AFDN: variants seen among roughly 807,000 people sequenced by gnomAD.
The protein encoded by AFDN is afadin, adherens junction formation factor.
A neutral mutation model predicts 216.6 loss-of-function variants in AFDN; 68 were observed. The ratio of observed to expected loss-of-function variants is 0.31; its 90% CI spans 0.26 to 0.38. AFDN has a LOEUF of 0.38. Ranked by LOEUF, AFDN falls within the 10% of genes least tolerant of loss-of-function variation. AFDN has a pLI of 1.00. For synonymous variants in AFDN, 868 were observed against 853.7 expected (o/e 1.02, Z -0.29); for missense variants, 2,136 against 2,342.0 (o/e 0.91, Z 1.82).
intron 1 of AFDN, among the ~76,000 whole-genome samples, chr6:167,831,972 A>C (rs141894302): frequency 0.02 from 3,016 of 152,344 alleles, 55 homozygotes; most frequent in Non-Finnish European, 0.033. Context: ...ATGTATATGC[A>C]GGTAGCAGTT....
At chr6:167,874,204 A>G (rs1170584405) in intron 4 of AFDN, among the ~76,000 whole-genome samples, 1 of 152,202 alleles carries the variant, frequency 6.6e-6, no homozygotes, top group Non-Finnish European at 1.5e-5. Context: ...TGACTGTGCC[A>G]CTGGACTACA....
chr6:167,955,649 A>C (rs1209672958), intron 30 of AFDN, among the ~76,000 whole-genome samples: 1 of 152,228 alleles, frequency 6.6e-6, no homozygotes, highest in Admixed American at 6.5e-5. Flanking sequence ...TCTGTGACAC[A>C]TGAACAGTAA....
chr6:167,963,810 T>G, intron 31 of AFDN: 1 of 1,063,360 alleles, frequency 9.4e-7, no homozygotes, highest in Non-Finnish European at 1.1e-6. Flanking sequence ...TCTAAGGAAA[T>G]CAGATTTACA....
intron 26 of AFDN, among the ~76,000 whole-genome samples, chr6:167,946,442 T>A (rs1795275562): frequency 6.6e-6 from 1 of 152,192 alleles, no homozygotes; most frequent in Non-Finnish European, 1.5e-5. Context: ...TTAAAAATGG[T>A]TAGATTTGTT....
At position 167,898,316 on chromosome 6, in the gene AFDN, A is replaced by C. The variant is rs776272198; in HGVS notation, c.1429A>C (p.Ile477Leu). The C allele has an allele frequency of 6.2e-6, 10 of 1,614,034 alleles. No homozygotes were observed. Among genetic ancestry groups the C allele is most frequent in the Non-Finnish European group, 8.5e-6 (10 of 1,180,030 alleles). Residue 477 changes from isoleucine (I) to leucine (L), a missense_variant, in exon 11 of 34, where the codon ATC (isoleucine) becomes CTC (leucine). Physicochemically the swap from Ile to Leu is conservative, Grantham distance 5. Coordinates refer to ENST00000683244, the MANE Select transcript of AFDN (RefSeq NM_001386888.1). ...AGAAACCTACGTGGAAGGCCAGCGC[A>C]TCTCAGAAACCACCATGCTGCAGAG... ...DAETYVEGQRISETTMLQSGM... is the reference protein window; with the variant it reads ...DAETYVEGQRLSETTMLQSGM...
intron 3 of AFDN, 44 bp from the exon 4 acceptor site, chr6:167,872,170 A>T (rs1470720588): frequency 1.9e-6 from 3 of 1,569,386 alleles, no homozygotes; most frequent in African/African-American, 1.4e-5. Context: ...ATTTTATGTG[A>T]TTCTGCATAG....
chr6:167,892,677 C>A (rs983475885), intron 8 of AFDN, among the ~76,000 whole-genome samples: 6 of 152,138 alleles, frequency 3.9e-5, no homozygotes, highest in Non-Finnish European at 8.8e-5. Context: ...TGTGTCATAC[C>A]GTGTTCTGGG....
At chr6:167,934,633 G>C (rs1793751944) in intron 23 of AFDN, among the ~76,000 whole-genome samples, 1 of 152,084 alleles carries the variant, frequency 6.6e-6, no homozygotes, top group African/African-American at 2.4e-5. Flanking sequence ...ACCCAGGCTA[G>C]GTTTTCTTAC....
intron 7 of AFDN, 69 bp from the exon 8 acceptor site, chr6:167,890,793 G>A: frequency 6.8e-7 from 1 of 1,478,128 alleles, no homozygotes; most frequent in Non-Finnish European, 9.2e-7. Flanking sequence ...TTGCACAGTT[G>A]ACTGCCAGTC....
chr6:167,955,598 A>G (rs1796420244), intron 30 of AFDN, among the ~76,000 whole-genome samples: 1 of 152,226 alleles, frequency 6.6e-6, no homozygotes, highest in Non-Finnish European at 1.5e-5. Flanking sequence ...GATACCAGCC[A>G]GCTCTCAGGC....
chr6:167,877,907 C>A (rs1194799974), intron 5 of AFDN, among the ~76,000 whole-genome samples: 1 of 152,148 alleles, frequency 6.6e-6, no homozygotes, highest in African/African-American at 2.4e-5. Context: ...CACAGCTGAT[C>A]AGGCATCACA....
At chr6:167,903,184 C>A (rs1789207389) in intron 12 of AFDN, among the ~76,000 whole-genome samples, 1 of 152,216 alleles carries the variant, frequency 6.6e-6, no homozygotes, top group African/African-American at 2.4e-5. Context: ...CAAACCACTC[C>A]AAAACTTTGT....
intron 1 of AFDN, among the ~76,000 whole-genome samples, chr6:167,856,399 A>G (rs1282751481): frequency 2.0e-5 from 3 of 152,082 alleles, no homozygotes; most frequent in Admixed American, 6.6e-5. Flanking sequence ...TGTTCCCTAC[A>G]GATAAGGGGG....
chr6:167,898,502 G>T, intron 11 of AFDN, 35 bp downstream of exon 11: 1 of 1,589,766 alleles, frequency 6.3e-7, no homozygotes, highest in Non-Finnish European at 8.6e-7. Flanking sequence ...AAAATGTTTT[G>T]ATTATACTTA....
rs1201026110 is a variant in AFDN, at chr6:167,970,742, A to G, written c.*807A>G. The G allele has an allele frequency of 4.6e-6, 1 of 217,828 alleles. No individual in the cohort carries two copies. The highest frequency in any genetic ancestry group is 9.2e-6 in the Non-Finnish European group (1 of 108,502). The allele number at this position is 217,828 out of a possible 1,614,324, so 13.5% of individuals were successfully genotyped here. A position where few individuals can be genotyped will look rare whatever the true frequency, so the allele number is the denominator to read the frequency against. On this transcript the variant is annotated 3_prime_UTR_variant, in exon 34 of 34. Coordinates refer to ENST00000683244, the MANE Select transcript of AFDN (RefSeq NM_001386888.1). ...GACAGTTACCTTGGAAAGTTCACTA[A>G]TACTTCGCTCCAAGGCGTCTGTAAA...
chr6:167,901,072 C>T (rs1357499445), intron 11 of AFDN, among the ~76,000 whole-genome samples: 1 of 152,144 alleles, frequency 6.6e-6, no homozygotes, highest in Admixed American at 6.5e-5. Context: ...TGTACCTGCT[C>T]TTCTAATCTG....
chr6:167,952,152 A>T lies in AFDN; in HGVS notation c.4798A>T (p.Ile1600Phe), dbSNP rs748061079. The T allele has an allele frequency of 2.2e-5, 36 of 1,614,156 alleles. No individual in the cohort carries two copies. In the African/African-American group the frequency reaches 4.1e-4, roughly 19 times the overall value. ...GGACGATGATGTGGACACCATGCTG[A>T]TCATGCAGCGCCTGGAGGCTGAACG... ...EEDDDVDTML[I>F]MQRLEAERRA... The change falls in exon 30 of 34, where the codon ATC (isoleucine) becomes TTC (phenylalanine). Residue 1600 changes from isoleucine to phenylalanine, a missense_variant. Ile to Phe is a conservative substitution (Grantham distance 21). Around this residue, in one of 8 missense-constraint regions of AFDN, gnomAD observed 981 missense variants for 966.0 expected, o/e 1.02. Transcript: ENST00000683244.
At chr6:167,897,563 T>C (rs1788416069) in intron 10 of AFDN, among the ~76,000 whole-genome samples, 1 of 151,330 alleles carries the variant, frequency 6.6e-6, no homozygotes, top group East Asian at 1.9e-4. Flanking sequence ...AAAATAATAA[T>C]AGGAATCTTT....
rs752892439 is a variant in AFDN at position 167,966,070 on chromosome 6, G to A, written c.5257+25G>A. ...GGTCAGGATAAGTACTCCAGCACAA[G>A]AAAGTCTCATGGGGACCTTCTTCCT... is the stretch of plus-strand genomic sequence containing the variant. On this transcript the variant is annotated intron_variant, in intron 32 of 33. Coordinates refer to ENST00000683244, the MANE Select transcript of AFDN (RefSeq NM_001386888.1). The A allele has an allele frequency of 1.2e-5, 18 of 1,539,776 alleles. No individual in the cohort carries two copies. In the East Asian group the frequency reaches 4.4e-4, roughly 38 times the overall value.
Sources: gnomAD v4.1 joint callset for allele counts (sites outside exome capture counted in the v4.1 genomes callset) on GRCh38, gnomAD v4.1.1 for gene constraint, gnomAD v4.1.1 regional missense constraint, MANE v1.5 for transcripts, NCBI Gene and HGNC (gene_info 2026-07-23, HGNC 2026-07-21) for gene names.